Variants in PPP1R15B observed in about 807,000 individuals in gnomAD.
The protein encoded by PPP1R15B is protein phosphatase 1, regulatory (inhibitor) subunit 15B.
In PPP1R15B, 31 loss-of-function variants were observed where a neutral mutation model predicts 53.9. The observed-to-expected ratio is 0.58, with a 90% CI of 0.43 to 0.78. The LOEUF is 0.78. PPP1R15B is among the 30% of genes least tolerant of loss of function. The probability of loss-of-function intolerance (pLI) is 0.00; values close to 1 mark genes in which losing one functional copy is unlikely to be tolerated. For synonymous variants in PPP1R15B, 345 were observed against 329.1 expected, an observed-to-expected ratio of 1.05 and a Z score of -0.52; for missense variants, 928 against 849.6, an observed-to-expected ratio of 1.09 and a Z score of -1.15.
intron 1 of PPP1R15B, among the ~76,000 whole-genome samples, chr1:204,407,189 A>T (rs1005398856): frequency 6.6e-6 from 1 of 152,110 alleles, no homozygotes; most frequent in East Asian, 1.9e-4. Flanking sequence ...TTAAATCAAC[A>T]TGTTGTACTA....
chr1:204,408,676 GA>G (rs1388152258), intron 1 of PPP1R15B, among the ~76,000 whole-genome samples: 1 of 152,148 alleles, frequency 6.6e-6, no homozygotes, highest in South Asian at 2.1e-4. Context: ...CAACTATAAA[GA>G]AAAACAAACC....
downstream of PPP1R15B, among the ~76,000 whole-genome samples, chr1:204,399,089 T>C (rs1450737635): frequency 6.6e-6 from 1 of 152,184 alleles, no homozygotes; most frequent in East Asian, 1.9e-4. Flanking sequence ...CAAGGCTGTG[T>C]GGATGAAACT....
rs1489325319 is a variant in PPP1R15B, at chr1:204,410,950, T to G, written c.462A>C (p.Pro154=). ...TGGCCTTAAGCTCCAATTTTAGGTC[T>G]GGGGGCGAGTATTGCCAGTGGATCC... ...EEGIHWQYSP[P]DLKLELKAKG... Residue 154 remains proline (P), a synonymous_variant, in exon 1 of 2, where the codon CCA becomes CCC. Transcript: ENST00000367188. 2 of 1,614,122 alleles carry G rather than the reference T, an allele frequency of 1.2e-6. No homozygotes were observed. Among genetic ancestry groups the G allele is most frequent in the Non-Finnish European group, 1.7e-6 (2 of 1,180,004 alleles).
chr1:204,410,031 T>C lies in PPP1R15B; in HGVS notation c.1381A>G (p.Ser461Gly). The change falls in exon 1 of 2, where the codon AGC becomes GGC. Residue 461 changes from serine (S) to glycine (G), a missense_variant. By Grantham distance (56) the Ser-to-Gly change is moderately conservative. Transcript: ENST00000367188. ...TCAAGGTCTGAGTCTGACAGTGAGC[T>C]ATCACTATCAAAACCATCATCCTCA... Reference protein sequence around the residue: ...EAEDDGFDSDSSLSDSDLEQD... With the variant: ...EAEDDGFDSDGSLSDSDLEQD... The C allele has an allele frequency of 6.2e-7, 1 of 1,613,870 alleles. No individual in the cohort carries two copies. Among genetic ancestry groups the C allele is most frequent in the Non-Finnish European group, 8.5e-7 (1 of 1,179,710 alleles).
chr1:204,396,593 G>T (rs909914710), downstream of PPP1R15B, among the ~76,000 whole-genome samples: 1 of 151,334 alleles, frequency 6.6e-6, no homozygotes, highest in Non-Finnish European at 1.5e-5. Flanking sequence ...AGCAATGGCT[G>T]CCAAAAGCTG....
Position 204,405,101 on chromosome 1 carries a change from A to T in PPP1R15B, c.*991T>A. ...TTACAGTGGGATCCTGACAGGTTTT[A>T]AAAGTGACAGTGCTGAGGCATGATA... On this transcript the variant is annotated 3_prime_UTR_variant, in exon 2 of 2. Coordinates refer to ENST00000367188, the MANE Select transcript of PPP1R15B (RefSeq NM_032833.5). 2.0e-6 allele frequency: 2 copies of T among 985,814 alleles called. No homozygotes were observed. Among genetic ancestry groups the T allele is most frequent in the Non-Finnish European group, 2.4e-6 (2 of 829,862 alleles). 61.1% of individuals were successfully genotyped at this position (985,814 alleles called of 1,614,324 possible).
At chr1:204,409,352 A>G (rs1014306877) in intron 1 of PPP1R15B, 140 bp downstream of exon 1, 2 of 916,448 alleles carry the variant, frequency 2.2e-6, no homozygotes, top group African/African-American at 3.4e-5. Context: ...TCATTTACAT[A>G]TTTCTCAATC....
rs1674261649 is a variant in PPP1R15B, at chr1:204,406,217, G to C, written c.2017C>G (p.Gln673Glu). The change falls in exon 2 of 2, where the codon CAG becomes GAG. Residue 673 changes from glutamine (Q) to glutamate (E), a missense_variant. By Grantham distance (29) the Gln-to-Glu change is conservative. Transcript: ENST00000367188. ...EEFARDGCRF[Q>E]KRIQETEDAI... ...TCTTCTGTTTCTTGAATTCGTTTCT[G>C]GAACCTGCATCCATCCCTTGCAAAT... 1.2e-6 allele frequency: 2 copies of C among 1,613,940 alleles called. No homozygotes were observed. Among genetic ancestry groups the C allele is most frequent in the Non-Finnish European group, 1.7e-6 (2 of 1,180,008 alleles).
chr1:204,404,338 A>G lies in PPP1R15B; in HGVS notation c.*1754T>C. The G allele has an allele frequency of 1.7e-6, 1 of 587,614 alleles. No individual in the cohort carries two copies. Among genetic ancestry groups the G allele is most frequent in the African/African-American group, 2.0e-5 (1 of 49,442 alleles). 36.4% of individuals were successfully genotyped at this position (587,614 alleles called of 1,614,324 possible). ...CTCTACTAAAAAGACACAAAAAATT[A>G]GCCGGGCGTGGTGGTGTGTGCCTGT... is the stretch of plus-strand genomic sequence containing the variant. On this transcript the variant is annotated 3_prime_UTR_variant, in exon 2 of 2. Coordinates refer to ENST00000367188, the MANE Select transcript of PPP1R15B (RefSeq NM_032833.5).
At position 204,411,476 on chromosome 1, in the gene PPP1R15B, T is replaced by A; in HGVS notation, c.-65A>T. 6.4e-7 allele frequency: 1 copy of A among 1,557,478 alleles called. No homozygotes were observed. The highest frequency in any genetic ancestry group is 8.6e-7 in the Non-Finnish European group (1 of 1,158,994). On this transcript the variant is annotated 5_prime_UTR_variant, in exon 1 of 2. Coordinates refer to ENST00000367188, the MANE Select transcript of PPP1R15B (RefSeq NM_032833.5). ...CTCAGCGGCTGGAGGTCGACGGGAT[T>A]CGGAGGAAGCCTACAGAGTCTCGGC...
chr1:204,407,764 A>T (rs889614010), intron 1 of PPP1R15B, among the ~76,000 whole-genome samples: 4 of 152,168 alleles, frequency 2.6e-5, no homozygotes, highest in Non-Finnish European at 5.9e-5. Context: ...GACTATTATC[A>T]TCCCCATTAT....
At chr1:204,396,353 C>CAAAAAAAAAAAAAAAAGAAAAAAAAA (rs1674100135), downstream of PPP1R15B, among the ~76,000 whole-genome samples, 1 of 60,720 alleles carries the variant, frequency 1.6e-5, no homozygotes, top group Non-Finnish European at 3.3e-5. Context: ...ACTAAAAATA[C>CAAAAAAAAAAAAAAAAGAAAAAAAAA]AAAAAAAAAA....
Position 204,403,894 on chromosome 1 carries a change from T to A in PPP1R15B, c.*2198A>T. On this transcript the variant is annotated 3_prime_UTR_variant, in exon 2 of 2. Transcript: ENST00000367188. ...AGGAGGCTAGTATATGGAAGAACTC[T>A]TAATCAAGCTTTCACTCATTTGGTA... 1.0e-6 allele frequency: 1 copy of A among 985,694 alleles called. No individual in the cohort carries two copies. The highest frequency in any genetic ancestry group is 4.7e-5 in the South Asian group (1 of 21,284). The allele number at this position is 985,694 out of a possible 1,614,324, so 61.1% of individuals were successfully genotyped here. A position where few individuals can be genotyped will look rare whatever the true frequency, so the allele number is the denominator to read the frequency against.
At position 204,411,596 on chromosome 1, in the gene PPP1R15B, A is replaced by C. The variant is rs1331472930; in HGVS notation, c.-185T>G. 1 of 728,284 alleles carries C rather than the reference A, an allele frequency of 1.4e-6. No homozygotes were observed. The highest frequency in any genetic ancestry group is 2.2e-6 in the Non-Finnish European group (1 of 450,424). 45.1% of individuals were successfully genotyped at this position (728,284 alleles called of 1,614,324 possible). On this transcript the variant is annotated 5_prime_UTR_variant, in exon 1 of 2. Transcript: ENST00000367188. ...AATGCGGCAGCGGGCGGCAGAACACAGGGAAGAACAGCCCGCGCAATAGGC... is the reference window on the plus strand; with the variant it reads ...AATGCGGCAGCGGGCGGCAGAACACCGGGAAGAACAGCCCGCGCAATAGGC...
chr1:204,407,553 A>T (rs939530465), intron 1 of PPP1R15B, among the ~76,000 whole-genome samples: 2 of 152,194 alleles, frequency 1.3e-5, no homozygotes, highest in Non-Finnish European at 1.5e-5. Context: ...CCTTTACATC[A>T]AGCCAAGGGA....
chr1:204,410,670 C>T lies in PPP1R15B; in HGVS notation c.742G>A (p.Val248Ile). Residue 248 changes from valine (V) to isoleucine (I), a missense_variant, in exon 1 of 2, where the codon GTC (valine) becomes ATC (isoleucine). Coordinates refer to ENST00000367188, the MANE Select transcript of PPP1R15B (RefSeq NM_032833.5). ...YQNSDGNSEVVGFQTLTPESS... is the reference protein window; with the variant it reads ...YQNSDGNSEVIGFQTLTPESS... ...TCTGGGGTTAGTGTCTGGAAGCCGA[C>T]TACCTCGCTATTTCCATCACTGTTC... The T allele has an allele frequency of 6.2e-7, 1 of 1,613,990 alleles. No individual in the cohort carries two copies. Among genetic ancestry groups the T allele is most frequent in the South Asian group, 1.1e-5 (1 of 91,058 alleles).
chr1:204,402,897 C>A (rs1674200809), downstream of PPP1R15B, among the ~76,000 whole-genome samples: 1 of 152,128 alleles, frequency 6.6e-6, no homozygotes, highest in South Asian at 2.1e-4. Flanking sequence ...CATGATGAAA[C>A]CCCATCTCTA....
At chr1:204,409,439 G>A (rs928925996) in intron 1 of PPP1R15B, 53 bp downstream of exon 1, 12 of 1,533,184 alleles carry the variant, frequency 7.8e-6, no homozygotes, top group Non-Finnish European at 1.0e-5. Flanking sequence ...CTATATTTAA[G>A]CATATAAAAA....
At position 204,405,596 on chromosome 1, in the gene PPP1R15B, C is replaced by T. The variant is rs1674251376; in HGVS notation, c.*496G>A. ...TACACAAGGTTATTTTTTAGCCTAA[C>T]ATAGACAGGCCAAATCATTGAAATA... On this transcript the variant is annotated 3_prime_UTR_variant, in exon 2 of 2. Transcript: ENST00000367188. The T allele has an allele frequency of 2.0e-6, 2 of 979,706 alleles. No homozygotes were observed. Among genetic ancestry groups the T allele is most frequent in the African/African-American group, 3.5e-5 (2 of 56,998 alleles). The allele number at this position is 979,706 out of a possible 1,614,324, so 60.7% of individuals were successfully genotyped here. A position where few individuals can be genotyped will look rare whatever the true frequency, so the allele number is the denominator to read the frequency against.
Sources: gnomAD v4.1 joint callset for allele counts (sites outside exome capture counted in the v4.1 genomes callset) on GRCh38, gnomAD v4.1.1 for gene constraint, MANE v1.5 for transcripts, NCBI Gene and HGNC (gene_info 2026-07-23, HGNC 2026-07-21) for gene names.